The following GRIK2 variants were observed in gnomAD, a reference collection of about 807,000 sequenced individuals.
GRIK2 encodes glutamate receptor ionotropic, kainate 2.
In GRIK2, 32 loss-of-function variants were observed where a neutral mutation model predicts 100.3. The ratio of observed to expected loss-of-function variants is 0.32; its 90% CI spans 0.24 to 0.43. GRIK2 has a LOEUF of 0.43. Ranked by LOEUF, GRIK2 falls within the 20% of genes least tolerant of loss-of-function variation. The pLI is 1.00. For synonymous variants in GRIK2, 417 were observed against 389.4 expected, an observed-to-expected ratio of 1.07 and a Z score of -0.83; for missense variants, 843 against 1,114.9, an observed-to-expected ratio of 0.76 and a Z score of 3.47.
chr6:101,461,675 A>G (rs1771314175), intron 2 of GRIK2, among the ~76,000 whole-genome samples: 1 of 152,202 alleles, frequency 6.6e-6, no homozygotes, highest in South Asian at 2.1e-4. Flanking sequence ...ACATATTCAC[A>G]GGTTCCAGGG....
intron 14 of GRIK2, among the ~76,000 whole-genome samples, chr6:101,944,605 A>G (rs1791157082): frequency 6.6e-6 from 1 of 152,222 alleles, no homozygotes; most frequent in Non-Finnish European, 1.5e-5. Context: ...TTCAATAATC[A>G]AAGATAAAAA....
intron 4 of GRIK2, among the ~76,000 whole-genome samples, chr6:101,653,335 T>C (rs188651143): frequency 6.6e-6 from 1 of 152,178 alleles, no homozygotes; most frequent in Admixed American, 6.5e-5. Flanking sequence ...TCTTGACCTT[T>C]GGAGCTGTCA....
chr6:101,786,695 TG>T (rs1473353170), intron 7 of GRIK2, among the ~76,000 whole-genome samples: 2 of 152,254 alleles, frequency 1.3e-5, no homozygotes, highest in Admixed American at 6.5e-5. Flanking sequence ...AGCTTGCTAC[TG>T]TTTTGTTGAG....
At chr6:101,664,886 A>AAAC (rs1769899248) in intron 4 of GRIK2, among the ~76,000 whole-genome samples, 1 of 152,172 alleles carries the variant, frequency 6.6e-6, no homozygotes, top group Non-Finnish European at 1.5e-5. Flanking sequence ...CTTTTATAAA[A>AAAC]AACAACAACA....
intron 14 of GRIK2, among the ~76,000 whole-genome samples, chr6:102,021,461 T>C (rs933391972): frequency 2.6e-5 from 4 of 151,600 alleles, no homozygotes; most frequent in African/African-American, 7.3e-5. Flanking sequence ...GACTGAACTT[T>C]AGTTTTATTT....
intron 2 of GRIK2, among the ~76,000 whole-genome samples, chr6:101,498,673 G>A (rs922507639): frequency 2.6e-5 from 4 of 151,636 alleles, no homozygotes; most frequent in Admixed American, 1.3e-4. Context: ...CTTCTTTTGA[G>A]AAGTGTCTGT....
intron 9 of GRIK2, among the ~76,000 whole-genome samples, chr6:101,815,129 C>A (rs1312183933): frequency 5.3e-5 from 8 of 151,830 alleles, no homozygotes; most frequent in Non-Finnish European, 1.2e-4. Context: ...AAAAGCTGGG[C>A]CATTAACAAC....
chr6:101,974,233 T>C (rs1793232118), intron 14 of GRIK2, among the ~76,000 whole-genome samples: 1 of 151,936 alleles, frequency 6.6e-6, no homozygotes, highest in Admixed American at 6.6e-5. Context: ...AAAAAAGACA[T>C]GCAAAATCTT....
chr6:102,055,217 T>G (rs957329016), intron 15 of GRIK2, 113 bp from the exon 16 acceptor site: 3 of 689,800 alleles, frequency 4.3e-6, no homozygotes, highest in African/African-American at 1.8e-5. Context: ...TGAAAAAACA[T>G]TGGCACACTT....
At chr6:101,797,711 A>G (rs957750541) in intron 7 of GRIK2, among the ~76,000 whole-genome samples, 1 of 146,930 alleles carries the variant, frequency 6.8e-6, no homozygotes, top group Non-Finnish European at 1.5e-5. Context: ...TATTACATAT[A>G]ATAGTTTATA....
intron 2 of GRIK2, chr6:101,620,046 T>C (rs1243569007): frequency 6.6e-6 from 1 of 152,284 alleles, no homozygotes; most frequent in African/African-American, 2.4e-5. Flanking sequence ...ACATTTATTC[T>C]TTATTGCAAT....
chr6:101,520,675 G>A (rs1419353845), intron 2 of GRIK2, among the ~76,000 whole-genome samples: 1 of 151,942 alleles, frequency 6.6e-6, no homozygotes, highest in Non-Finnish European at 1.5e-5. Flanking sequence ...TGAGAAAATA[G>A]CAGAAAATCT....
In GRIK2 at chr6:101,790,183, T is replaced by C. The variant is rs201913370; in HGVS notation, c.952-9465T>C. Among the ~76,000 whole-genome samples the C allele has an allele frequency of 6.8e-3, 1,030 of 152,170 alleles. 75 individuals carry two copies. In the East Asian group the frequency reaches 0.17, roughly 25 times the overall value. ...ACAATTTGACTTCCTCTTTTCCTAATTGAATACCCTTTATTTCCTTCTCCT... is the reference window on the plus strand; with the variant it reads ...ACAATTTGACTTCCTCTTTTCCTAACTGAATACCCTTTATTTCCTTCTCCT... On this transcript the variant is annotated intron_variant, in intron 7 of 16. Coordinates refer to ENST00000369134, the MANE Select transcript of GRIK2 (RefSeq NM_021956.5).
chr6:101,837,143 T>C (rs527948182), intron 10 of GRIK2, among the ~76,000 whole-genome samples: 1 of 152,294 alleles, frequency 6.6e-6, no homozygotes, highest in South Asian at 2.1e-4. Flanking sequence ...CGGTTAGACT[T>C]CCAAGTACCA....
At chr6:101,786,144 T>A (rs1277727250) in intron 7 of GRIK2, among the ~76,000 whole-genome samples, 1 of 152,154 alleles carries the variant, frequency 6.6e-6, no homozygotes, top group Non-Finnish European at 1.5e-5. Flanking sequence ...CATGGCTGAT[T>A]TTTGTTTGTT....
intron 2 of GRIK2, among the ~76,000 whole-genome samples, chr6:101,495,337 C>T (rs1463560311): frequency 6.6e-6 from 1 of 151,822 alleles, no homozygotes; most frequent in Non-Finnish European, 1.5e-5. Context: ...AATCCCGTCT[C>T]TACTAAAAAT....
chr6:101,904,105 G>A (rs1444999614), intron 12 of GRIK2, among the ~76,000 whole-genome samples: 1 of 150,170 alleles, frequency 6.7e-6, no homozygotes, highest in East Asian at 2.0e-4. Flanking sequence ...CTAATTTTAT[G>A]TTCTCTATTA....
intron 2 of GRIK2, among the ~76,000 whole-genome samples, chr6:101,498,802 C>G: frequency 6.6e-6 from 1 of 152,072 alleles, no homozygotes; most frequent in Non-Finnish European, 1.5e-5. Flanking sequence ...CAAAAATTGT[C>G]TCCCATTTTG....
chr6:101,720,561 T>C (rs1162249864), intron 7 of GRIK2, among the ~76,000 whole-genome samples: 1 of 152,062 alleles, frequency 6.6e-6, no homozygotes, highest in Non-Finnish European at 1.5e-5. Context: ...TGGTCCATTC[T>C]GGACTATTTG....
Sources: gnomAD v4.1 joint callset for allele counts (sites outside exome capture counted in the v4.1 genomes callset) on GRCh38, gnomAD v4.1.1 for gene constraint, MANE v1.5 for transcripts, NCBI Gene and HGNC (gene_info 2026-07-23, HGNC 2026-07-21) for gene names.